Variants in LRP1B observed in about 807,000 individuals in gnomAD.
The protein encoded by LRP1B is LDL receptor related protein 1B.
LRP1B carries 217 observed loss-of-function variants against 556.6 expected under a neutral mutation model. The ratio of observed to expected loss-of-function variants is 0.39; its 90% CI spans 0.35 to 0.44. The LOEUF (loss-of-function observed/expected upper bound fraction) is 0.44, where lower values mean the gene tolerates loss of function less well. Among genes scored for constraint, LRP1B ranks in the 20% least tolerant of loss-of-function variants. The pLI, the probability that LRP1B is intolerant of heterozygous loss-of-function variation, is 1.00. For missense variants in LRP1B, 5,053 were observed against 5,620.8 expected (o/e 0.90, Z 3.23); for synonymous variants, 2,047 against 1,865.8 (o/e 1.10, Z -2.50).
At chr2:141,537,215 A>G (rs998809159) in intron 2 of LRP1B, among the ~76,000 whole-genome samples, 2 of 152,100 alleles carry the variant, frequency 1.3e-5, no homozygotes, top group African/African-American at 2.4e-5. Context: ...CTGGAAGTAC[A>G]TATTAGTGAA....
chr2:142,121,963 T>C (rs1707470710), intron 1 of LRP1B, among the ~76,000 whole-genome samples: 1 of 152,176 alleles, frequency 6.6e-6, no homozygotes, highest in South Asian at 2.1e-4. Flanking sequence ...TTGCTATTAG[T>C]AACTCATATT....
chr2:141,463,591 ATATATAT>A (rs1345772897), intron 3 of LRP1B, among the ~76,000 whole-genome samples: 2 of 77,344 alleles, frequency 2.6e-5, no homozygotes, highest in African/African-American at 1.3e-4. Flanking sequence ...ATTATATATA[ATATATAT>A]TATATATTAT....
In LRP1B at chr2:140,580,495, A is replaced by G. The variant is rs141569113; in HGVS notation, c.7194+18136T>C. On this transcript the variant is annotated intron_variant, in intron 43 of 90. Coordinates refer to ENST00000389484, the MANE Select transcript of LRP1B (RefSeq NM_018557.3). ...CACCTCAGTATAAATCTTAAGTTTG[A>G]AAAAATGATTGGACTCATGACAGAA... Among the ~76,000 whole-genome samples, 191 of 152,298 alleles carry G rather than the reference A, an allele frequency of 1.3e-3. 2 individuals carry two copies. The highest frequency in any genetic ancestry group is 4.4e-3 in the African/African-American group (182 of 41,576).
chr2:141,615,678 A>T (rs1371976350), intron 2 of LRP1B, among the ~76,000 whole-genome samples: 1 of 152,198 alleles, frequency 6.6e-6, no homozygotes, highest in Admixed American at 6.5e-5. Flanking sequence ...ATTAAAATTG[A>T]ACTAGTTATG....
At chr2:141,983,043 C>T (rs1007792555) in intron 1 of LRP1B, among the ~76,000 whole-genome samples, 4 of 151,930 alleles carry the variant, frequency 2.6e-5, no homozygotes, top group African/African-American at 9.7e-5. Flanking sequence ...TGTTCTAGAA[C>T]AGGAAAGAGA....
At chr2:140,556,131 A>G (rs2105063972) in intron 43 of LRP1B, among the ~76,000 whole-genome samples, 1 of 152,206 alleles carries the variant, frequency 6.6e-6, no homozygotes, top group Non-Finnish European at 1.5e-5. Context: ...ACATTACCCC[A>G]AAATATGGAA....
intron 35 of LRP1B, among the ~76,000 whole-genome samples, chr2:140,768,817 A>C (rs1292838851): frequency 6.6e-6 from 1 of 151,998 alleles, no homozygotes; most frequent in African/African-American, 2.4e-5. Flanking sequence ...CTTGTATTAC[A>C]ATAGAAAATC....
At chr2:141,970,990 C>A (rs1325722641) in intron 1 of LRP1B, among the ~76,000 whole-genome samples, 2 of 151,530 alleles carry the variant, frequency 1.3e-5, no homozygotes, top group Admixed American at 1.3e-4. Context: ...CACATTCTAA[C>A]TATTTCACTT....
At chr2:141,907,651 CA>C (rs1261193022) in intron 1 of LRP1B, among the ~76,000 whole-genome samples, 1 of 151,810 alleles carries the variant, frequency 6.6e-6, no homozygotes, top group Non-Finnish European at 1.5e-5. Flanking sequence ...TCTAATGAGT[CA>C]AAAAATTCAG....
chr2:141,349,990 C>G (rs1480668306), intron 3 of LRP1B, among the ~76,000 whole-genome samples: 2 of 152,066 alleles, frequency 1.3e-5, no homozygotes, highest in African/African-American at 2.4e-5. Context: ...GCCACACAAT[C>G]ATGCCAGAAG....
intron 6 of LRP1B, among the ~76,000 whole-genome samples, chr2:141,214,588 A>G (rs1330533422): frequency 6.6e-6 from 1 of 152,218 alleles, no homozygotes; most frequent in Non-Finnish European, 1.5e-5. Context: ...CTGTACTAAC[A>G]TTAATTTACC....
intron 4 of LRP1B, 95 bp downstream of exon 4, chr2:141,254,427 T>C (rs1346583534): frequency 7.1e-6 from 9 of 1,270,074 alleles, no homozygotes; most frequent in East Asian, 2.4e-5. Context: ...ATAAACACTG[T>C]AGAGCACATG....
chr2:140,269,301 C>T (rs902749523), intron 86 of LRP1B: 3 of 470,918 alleles, frequency 6.4e-6, no homozygotes, highest in Admixed American at 4.7e-5. Flanking sequence ...AGTTAAAGTG[C>T]AAATCCCCTC....
At chr2:141,206,568 C>A (rs1467032566) in intron 6 of LRP1B, among the ~76,000 whole-genome samples, 1 of 150,872 alleles carries the variant, frequency 6.6e-6, no homozygotes, top group African/African-American at 2.4e-5. Context: ...GCCTGGGCGA[C>A]AGAGCAAGAC....
chr2:141,893,130 G>T (rs754888387), intron 1 of LRP1B, among the ~76,000 whole-genome samples: 1 of 152,084 alleles, frequency 6.6e-6, no homozygotes. Context: ...AGGAAATTTT[G>T]AAAATAATTT....
intron 74 of LRP1B, 70 bp downstream of exon 74, chr2:140,357,909 T>A (rs1682307541): frequency 6.5e-7 from 1 of 1,538,422 alleles, no homozygotes; most frequent in Non-Finnish European, 8.9e-7. Flanking sequence ...ATCCAGAACA[T>A]TTTAGTCATG....
intron 3 of LRP1B, among the ~76,000 whole-genome samples, chr2:141,334,406 A>T (rs1687770741): frequency 6.6e-6 from 1 of 152,254 alleles, no homozygotes; most frequent in African/African-American, 2.4e-5. Context: ...GACTTCTGCC[A>T]TGAGCTAAAG....
intron 7 of LRP1B, among the ~76,000 whole-genome samples, chr2:141,174,362 T>C (rs1317539301): frequency 6.6e-6 from 1 of 152,114 alleles, no homozygotes; most frequent in Admixed American, 6.6e-5. Flanking sequence ...GGTTTGGCTC[T>C]GTGTCTCCAC....
intron 7 of LRP1B, among the ~76,000 whole-genome samples, chr2:141,125,850 A>AAAC (rs1701190077): frequency 6.8e-6 from 1 of 147,728 alleles, no homozygotes; most frequent in East Asian, 1.9e-4. Context: ...AATGCAAAAA[A>AAAC]AAAAAAAAAA....
Sources: gnomAD v4.1 joint callset for allele counts (sites outside exome capture counted in the v4.1 genomes callset) on GRCh38, gnomAD v4.1.1 for gene constraint, MANE v1.5 for transcripts, NCBI Gene and HGNC (gene_info 2026-07-23, HGNC 2026-07-21) for gene names.